DSCAM: variants seen among roughly 807,000 people sequenced by gnomAD.
DSCAM encodes the protein cell adhesion molecule DSCAM.
Under a neutral mutation model 217.7 loss-of-function variants are expected in DSCAM, and 47 were observed. That is an observed-to-expected ratio of 0.22 (90% CI 0.17 to 0.28). The LOEUF (loss-of-function observed/expected upper bound fraction) is 0.28. DSCAM is among the 10% of genes least tolerant of loss of function. The probability of loss-of-function intolerance (pLI) is 1.00; values close to 1 mark genes in which losing one functional copy is unlikely to be tolerated. For missense variants in DSCAM, 2,080 were observed against 2,618.3 expected, an observed-to-expected ratio of 0.79 and a Z score of 4.49; for synonymous variants, 1,056 against 1,015.3, an observed-to-expected ratio of 1.04 and a Z score of -0.76.
At chr21:40,799,767 T>G (rs1161320722) in intron 1 of DSCAM, among the ~76,000 whole-genome samples, 3 of 152,238 alleles carry the variant, frequency 2.0e-5, no homozygotes, top group African/African-American at 7.2e-5. Flanking sequence ...TTTTAAAGAT[T>G]CTTGTGATTA....
chr21:40,188,910 GGAGA>G, intron 12 of DSCAM, 128 bp downstream of exon 12: 2 of 877,352 alleles, frequency 2.3e-6, no homozygotes, highest in South Asian at 3.3e-5. Context: ...GTGTGAAAGG[GGAGA>G]GAAATAGTGC....
intron 28 of DSCAM, among the ~76,000 whole-genome samples, chr21:40,057,279 A>C (rs1445347213): frequency 6.6e-6 from 1 of 152,190 alleles, no homozygotes; most frequent in Non-Finnish European, 1.5e-5. Context: ...GACTTAACTA[A>C]CTTGTCATTC....
intron 3 of DSCAM, among the ~76,000 whole-genome samples, chr21:40,588,994 G>GA (rs2076965547): frequency 6.6e-6 from 1 of 152,148 alleles, no homozygotes; most frequent in Non-Finnish European, 1.5e-5. Context: ...GTATGTGTAT[G>GA]AAAAAAAGTA....
At chr21:40,397,847 C>T (rs2075195681) in intron 3 of DSCAM, among the ~76,000 whole-genome samples, 1 of 152,074 alleles carries the variant, frequency 6.6e-6, no homozygotes, top group African/African-American at 2.4e-5. Context: ...ACCACTAATA[C>T]TACCACCACC....
intron 9 of DSCAM, among the ~76,000 whole-genome samples, chr21:40,297,032 C>A (rs1382889021): frequency 1.3e-5 from 2 of 151,962 alleles, no homozygotes; most frequent in Non-Finnish European, 1.5e-5. Flanking sequence ...GAACTTTTCC[C>A]AAAATTCTGG....
chr21:40,159,208 A>G (rs2090511988), intron 16 of DSCAM, among the ~76,000 whole-genome samples: 1 of 152,126 alleles, frequency 6.6e-6, no homozygotes, highest in Non-Finnish European at 1.5e-5. Context: ...AGCAGATGCC[A>G]TTTGATGATG....
intron 11 of DSCAM, among the ~76,000 whole-genome samples, chr21:40,196,291 A>G (rs1270715086): frequency 6.6e-6 from 1 of 151,994 alleles, no homozygotes; most frequent in Non-Finnish European, 1.5e-5. Context: ...ACTGGGCAGG[A>G]CCCTTGGCCG....
At chr21:40,663,663 C>G (rs934947458) in intron 3 of DSCAM, among the ~76,000 whole-genome samples, 2 of 152,190 alleles carry the variant, frequency 1.3e-5, no homozygotes, top group African/African-American at 4.8e-5. Context: ...CTCTTTCCCC[C>G]TGGCTACTGA....
intron 3 of DSCAM, among the ~76,000 whole-genome samples, chr21:40,472,043 G>A (rs1242270587): frequency 6.6e-6 from 1 of 152,120 alleles, no homozygotes; most frequent in Non-Finnish European, 1.5e-5. Context: ...AACATGCGGT[G>A]TTTGGTTTTT....
intron 3 of DSCAM, among the ~76,000 whole-genome samples, chr21:40,519,751 C>T (rs1262594109): frequency 1.3e-5 from 2 of 152,084 alleles, no homozygotes; most frequent in Admixed American, 6.6e-5. Flanking sequence ...CTTGAGCTTC[C>T]AGCCTCTTGC....
At chr21:40,143,917 TGC>T (rs2090322926) in intron 17 of DSCAM, among the ~76,000 whole-genome samples, 1 of 152,172 alleles carries the variant, frequency 6.6e-6, no homozygotes, top group Non-Finnish European at 1.5e-5. Context: ...TAAAACACTG[TGC>T]CTCTGGATAC....
intron 11 of DSCAM, among the ~76,000 whole-genome samples, chr21:40,263,095 AAATT>A (rs1451950172): frequency 2.0e-5 from 3 of 152,244 alleles, no homozygotes; most frequent in Non-Finnish European, 4.4e-5. Context: ...TCTTTGGTAA[AAATT>A]AATAAAATAT....
At chr21:40,835,919 T>C (rs925962180) in intron 1 of DSCAM, among the ~76,000 whole-genome samples, 3 of 152,338 alleles carry the variant, frequency 2.0e-5, no homozygotes, top group East Asian at 1.9e-4. Context: ...TAATGACATA[T>C]ACTTTGTATG....
At chr21:40,612,827 C>T (rs1478017196) in intron 3 of DSCAM, among the ~76,000 whole-genome samples, 1 of 152,178 alleles carries the variant, frequency 6.6e-6, no homozygotes, top group East Asian at 1.9e-4. Flanking sequence ...AGTGAAGACA[C>T]ACTGAGAGGT....
At chr21:40,288,740 G>A (rs1178895101) in intron 10 of DSCAM, among the ~76,000 whole-genome samples, 1 of 152,142 alleles carries the variant, frequency 6.6e-6, no homozygotes, top group Non-Finnish European at 1.5e-5. Flanking sequence ...ATTAATAATA[G>A]CTAATACATA....
intron 4 of DSCAM, among the ~76,000 whole-genome samples, chr21:40,361,304 G>A (rs1277703097): frequency 6.6e-6 from 1 of 151,872 alleles, no homozygotes; most frequent in Non-Finnish European, 1.5e-5. Flanking sequence ...CTTTGTTTTT[G>A]GTGGTAAAGT....
chr21:40,681,599 A>G (rs1163212094), intron 3 of DSCAM, among the ~76,000 whole-genome samples: 2 of 152,040 alleles, frequency 1.3e-5, no homozygotes, highest in African/African-American at 4.8e-5. Flanking sequence ...CAAATAAAGA[A>G]TTGGAAGAAT....
chr21:40,522,014 T>C (rs1004097015), intron 3 of DSCAM, among the ~76,000 whole-genome samples: 2 of 152,186 alleles, frequency 1.3e-5, no homozygotes, highest in East Asian at 1.9e-4. Flanking sequence ...AAAAAATATA[T>C]TTAAAAATGC....
intron 20 of DSCAM, among the ~76,000 whole-genome samples, chr21:40,112,811 T>G (rs1021382880): frequency 2.0e-5 from 3 of 151,898 alleles, no homozygotes; most frequent in African/African-American, 7.3e-5. Context: ...AACTAGAAAA[T>G]CTAGAAGAAA....
Sources: allele counts gnomAD v4.1 joint callset (sites outside exome capture counted in the v4.1 genomes callset), GRCh38; gene constraint gnomAD v4.1.1; transcripts MANE v1.5; gene names NCBI Gene and HGNC (gene_info 2026-07-23, HGNC 2026-07-21).